ITGBL1: variants seen among roughly 807,000 people sequenced by gnomAD.
ITGBL1 encodes the protein integrin subunit beta like 1.
Under a neutral mutation model 68.5 loss-of-function variants are expected in ITGBL1, and 51 were observed. That is an observed-to-expected ratio of 0.74 (90% confidence interval 0.59 to 0.94). The LOEUF (loss-of-function observed/expected upper bound fraction) is 0.94, where lower values mean the gene tolerates loss of function less well. Among genes scored for constraint, ITGBL1 ranks in the 40% least tolerant of loss-of-function variants. The probability of loss-of-function intolerance (pLI) is 0.00; values close to 1 mark genes in which losing one functional copy is unlikely to be tolerated. For missense variants in ITGBL1, 649 were observed against 647.4 expected (o/e 1.00, Z -0.03); for synonymous variants, 209 against 227.3 (o/e 0.92, Z 0.72).
intron 8 of ITGBL1, among the ~76,000 whole-genome samples, chr13:101,701,950 T>A (rs2034146603): frequency 6.6e-6 from 1 of 152,192 alleles, no homozygotes; most frequent in Admixed American, 6.5e-5. Context: ...ATATACTTAA[T>A]GCTACTGAAC....
chr13:101,568,152 G>A (rs1388451185), intron 3 of ITGBL1, among the ~76,000 whole-genome samples: 1 of 152,084 alleles, frequency 6.6e-6, no homozygotes, highest in African/African-American at 2.4e-5. Flanking sequence ...CTGTTAAAAA[G>A]GATTTATATA....
At chr13:101,492,936 G>A (rs1170577491) in intron 2 of ITGBL1, among the ~76,000 whole-genome samples, 1 of 152,104 alleles carries the variant, frequency 6.6e-6, no homozygotes, top group Admixed American at 6.6e-5. Flanking sequence ...GAAGCTTCAG[G>A]CTGCCTAAGG....
downstream of ITGBL1, chr13:101,720,724 A>C (rs1036112806): frequency 6.6e-6 from 1 of 150,944 alleles, no homozygotes; most frequent in Non-Finnish European, 1.5e-5. Context: ...GTTATCTAAT[A>C]TATTTTAACT....
At chr13:101,708,631 A>G (rs1380253015) in intron 9 of ITGBL1, among the ~76,000 whole-genome samples, 1 of 152,174 alleles carries the variant, frequency 6.6e-6, no homozygotes, top group Non-Finnish European at 1.5e-5. Flanking sequence ...AATGCTATCA[A>G]GTTGAAAGAG....
chr13:101,475,940 A>C (rs2139650819), intron 2 of ITGBL1, among the ~76,000 whole-genome samples: 2 of 152,324 alleles, frequency 1.3e-5, no homozygotes, highest in Middle Eastern at 6.8e-3. Flanking sequence ...GATGTGTCCT[A>C]TGGGAAATGC....
intron 2 of ITGBL1, among the ~76,000 whole-genome samples, chr13:101,550,453 T>C (rs1247372095): frequency 6.6e-6 from 1 of 152,172 alleles, no homozygotes; most frequent in African/African-American, 2.4e-5. Flanking sequence ...TGTTGCCTTT[T>C]GGGAAGTAAA....
At chr13:101,454,853 TG>T (rs1372492351) in intron 2 of ITGBL1, among the ~76,000 whole-genome samples, 3 of 152,240 alleles carry the variant, frequency 2.0e-5, no homozygotes, top group Admixed American at 6.5e-5. Flanking sequence ...TTGTTCTAGC[TG>T]CTTGAATTTT....
intron 2 of ITGBL1, among the ~76,000 whole-genome samples, chr13:101,558,083 CAAAAAAAAAAAAAAAA>C (rs568103738): frequency 2.5e-4 from 18 of 71,714 alleles, no homozygotes; most frequent in Admixed American, 2.1e-3. Context: ...AACTCCGTCT[CAAAAAAAAAAAAAAAA>C]AAAAAAAAAA....
In ITGBL1 at chr13:101,596,868, A is replaced by G. The variant is rs1349571954; in HGVS notation, c.869-1285A>G. ...ACTATATAACATTAAGGAAAAGGCA[A>G]AATTATGGAGGACAGTGAAAAGATC... On this transcript the variant is annotated intron_variant, in intron 6 of 10. Transcript: ENST00000376180. Among the ~76,000 whole-genome samples the G allele has an allele frequency of 2.6e-5, 4 of 152,192 alleles. No homozygotes were observed. In the South Asian group the frequency reaches 6.2e-4, roughly 24 times the overall value.
chr13:101,601,653 T>C (rs1284997082), intron 7 of ITGBL1, among the ~76,000 whole-genome samples: 2 of 152,224 alleles, frequency 1.3e-5, no homozygotes, highest in East Asian at 3.8e-4. Flanking sequence ...TCTCATTGGT[T>C]TCAAAGAACA....
intron 7 of ITGBL1, among the ~76,000 whole-genome samples, chr13:101,651,517 G>A (rs937405186): frequency 3.3e-5 from 5 of 152,068 alleles, no homozygotes; most frequent in Non-Finnish European, 4.4e-5. Flanking sequence ...TAATGGGGTT[G>A]TTTGTTTTTT....
intron 7 of ITGBL1, among the ~76,000 whole-genome samples, chr13:101,666,721 A>G (rs969419972): frequency 6.6e-6 from 1 of 152,202 alleles, no homozygotes; most frequent in African/African-American, 2.4e-5. Context: ...CATTTTAAAC[A>G]GTGGATGTGG....
chr13:101,597,098 C>T (rs1307348519), intron 6 of ITGBL1, among the ~76,000 whole-genome samples: 11 of 152,070 alleles, frequency 7.2e-5, no homozygotes, highest in Non-Finnish European at 1.6e-4. Flanking sequence ...AATGTACGCT[C>T]ATCAGTTACA....
intron 2 of ITGBL1, among the ~76,000 whole-genome samples, chr13:101,559,012 G>A (rs2050057796): frequency 6.6e-6 from 1 of 151,958 alleles, no homozygotes; most frequent in Non-Finnish European, 1.5e-5. Context: ...ACTGTGTTTT[G>A]CTTTACTATA....
At chr13:101,679,510 A>G (rs2033590228) in intron 7 of ITGBL1, among the ~76,000 whole-genome samples, 1 of 152,030 alleles carries the variant, frequency 6.6e-6, no homozygotes, top group Non-Finnish European at 1.5e-5. Flanking sequence ...GGAGATTTTT[A>G]CTCTAATTTA....
chr13:101,549,838 C>T (rs1222694106), intron 2 of ITGBL1, among the ~76,000 whole-genome samples: 2 of 151,820 alleles, frequency 1.3e-5, no homozygotes, highest in East Asian at 3.9e-4. Flanking sequence ...TTTAATATAA[C>T]TTTGAAAACA....
chr13:101,684,678 A>G lies in ITGBL1; in HGVS notation c.1016-7907A>G, dbSNP rs947028751. ...TTTTGTTTCCTTCTTTCAATTCTTT[A>G]TGTCATCTTTTTATCCTTACCATAT... On this transcript the variant is annotated intron_variant, in intron 7 of 10. Coordinates refer to ENST00000376180, the MANE Select transcript of ITGBL1 (RefSeq NM_004791.3). Among the ~76,000 whole-genome samples, 4 of 151,886 alleles carry G rather than the reference A, an allele frequency of 2.6e-5. No individual in the cohort carries two copies. The South Asian group carries it at 8.3e-4, about 31-fold the overall frequency.
intron 4 of ITGBL1, among the ~76,000 whole-genome samples, chr13:101,576,438 G>T (rs1566739032): frequency 6.6e-6 from 1 of 152,176 alleles, no homozygotes; most frequent in Admixed American, 6.6e-5. Flanking sequence ...TGTAGGAAAA[G>T]AAAAGTAGAA....
intron 2 of ITGBL1, among the ~76,000 whole-genome samples, chr13:101,543,552 T>C (rs146075591): frequency 0.011 from 1,730 of 152,222 alleles, 34 homozygotes; most frequent in African/African-American, 0.039. Flanking sequence ...TTGCTCTTCT[T>C]GAGGAGTATC....
Sources: gnomAD v4.1 joint callset for allele counts (sites outside exome capture counted in the v4.1 genomes callset) on GRCh38, gnomAD v4.1.1 for gene constraint, MANE v1.5 for transcripts, NCBI Gene and HGNC (gene_info 2026-07-23, HGNC 2026-07-21) for gene names.